The following VAV3 variants were observed in gnomAD, a reference collection of about 807,000 sequenced individuals.
VAV3 encodes the protein vav guanine nucleotide exchange factor 3.
Under a neutral mutation model 131.2 loss-of-function variants are expected in VAV3, and 94 were observed. The observed-to-expected ratio is 0.72, with a 90% CI of 0.61 to 0.85. The LOEUF (loss-of-function observed/expected upper bound fraction) is 0.85, where lower values mean the gene tolerates loss of function less well. Among genes scored for constraint, VAV3 ranks in the 40% least tolerant of loss-of-function variants. The probability of loss-of-function intolerance (pLI) is 0.00; values close to 1 mark genes in which losing one functional copy is unlikely to be tolerated. For missense variants in VAV3, 939 were observed against 1,002.7 expected, an observed-to-expected ratio of 0.94 and a Z score of 0.86; for synonymous variants, 349 against 342.0, an observed-to-expected ratio of 1.02 and a Z score of -0.22.
chr1:107,719,652 A>G (rs11800053), intron 15 of VAV3, among the ~76,000 whole-genome samples: 33,573 of 152,090 alleles, frequency 0.22, 4,154 homozygotes, highest in East Asian at 0.45. Flanking sequence ...ACAGTGTGGC[A>G]ATTCCTCAAG....
intron 15 of VAV3, among the ~76,000 whole-genome samples, chr1:107,709,104 CT>C (rs543663856): frequency 1.0e-3 from 157 of 152,240 alleles, no homozygotes; most frequent in African/African-American, 3.7e-3. Context: ...CTCCATAACA[CT>C]TTATGTAACA....
chr1:107,820,490 G>C (rs1239624015), intron 2 of VAV3, among the ~76,000 whole-genome samples: 1 of 151,718 alleles, frequency 6.6e-6, no homozygotes, highest in Non-Finnish European at 1.5e-5. Context: ...TAGGGTGTAG[G>C]GATGGATAAT....
chr1:107,849,242 CAAA>C (rs201705921), intron 2 of VAV3, among the ~76,000 whole-genome samples: 1 of 134,364 alleles, frequency 7.4e-6, no homozygotes, highest in Non-Finnish European at 1.6e-5. Flanking sequence ...CATATGCAAC[CAAA>C]AAAAAAAAAA....
In VAV3 at chr1:107,704,685, G is replaced by A. The variant is rs200765188; in HGVS notation, c.1605-35C>T. 407 of 1,543,502 alleles carry A rather than the reference G, an allele frequency of 2.6e-4. 1 individual carries two copies. Among genetic ancestry groups the A allele is most frequent in the African/African-American group, 2.0e-3 (145 of 73,338 alleles). ...GAAATAAGAAAGTGGTATATTAAAC[G>A]GTGCAAAATTCTGCCCATATGAAAT... is the stretch of plus-strand genomic sequence containing the variant. On this transcript the variant is annotated intron_variant, in intron 16 of 26. Coordinates refer to ENST00000370056, the MANE Select transcript of VAV3 (RefSeq NM_006113.5).
At position 107,780,047 on chromosome 1, in the gene VAV3, G is replaced by T. The variant is rs143618003; in HGVS notation, c.322-555C>A. On this transcript the variant is annotated intron_variant, in intron 2 of 26. Coordinates refer to ENST00000370056, the MANE Select transcript of VAV3 (RefSeq NM_006113.5). ...ACAGTCCTGCTATATAGCAAAGCAG[G>T]TGAGACTGTGGGCGGGCTCTTGGGC... 7.9e-5 allele frequency among the ~76,000 whole-genome samples: 12 copies of T among 152,274 alleles called. No individual in the cohort carries two copies. The East Asian group carries it at 2.3e-3, about 29-fold the overall frequency.
intron 19 of VAV3, among the ~76,000 whole-genome samples, chr1:107,683,094 G>A (rs186698175): frequency 1.3e-3 from 193 of 152,278 alleles, no homozygotes; most frequent in African/African-American, 3.5e-3. Context: ...GATGGAGGGT[G>A]GGTACCAGTT....
Position 107,683,530 on chromosome 1 carries a change from G to A in VAV3, c.1735C>T (p.Arg579Trp), listed in dbSNP as rs375932837. ...EQGTLKLPEK[R>W]TNGLRRTPKQ... ...GGAGTTCTTCGCAGTCCATTGGTCC[G>A]TTTCTGTGCAGTAAAGTAAAACAAA... Residue 579 changes from arginine (R) to tryptophan (W), a missense_variant, in exon 19 of 27, where the codon CGG becomes TGG. Physicochemically the swap from Arg to Trp is moderately radical, Grantham distance 101 (BLOSUM62 -3). Transcript: ENST00000370056. 6.8e-6 allele frequency: 11 copies of A among 1,613,706 alleles called. No individual in the cohort carries two copies. The highest frequency in any genetic ancestry group is 4.5e-5 in the East Asian group (2 of 44,880).
intron 17 of VAV3, chr1:107,688,658 G>A: frequency 1.1e-6 from 1 of 920,414 alleles, no homozygotes; most frequent in Non-Finnish European, 1.5e-6. Context: ...TTTTTCCATT[G>A]TTTATTAAGC....
intron 1 of VAV3, chr1:107,964,457 G>C (rs1571203038): frequency 3.8e-6 from 2 of 520,168 alleles, no homozygotes; most frequent in Non-Finnish European, 6.8e-6. Flanking sequence ...ATCTCCGGAC[G>C]CAAAGCTTTC....
intron 15 of VAV3, among the ~76,000 whole-genome samples, chr1:107,735,213 T>C (rs542814489): frequency 6.6e-6 from 1 of 152,174 alleles, no homozygotes; most frequent in African/African-American, 2.4e-5. Flanking sequence ...AAGCAGTGTG[T>C]AGAGGGAAAT....
chr1:107,915,638 A>C (rs1672578631), intron 1 of VAV3, among the ~76,000 whole-genome samples: 1 of 152,246 alleles, frequency 6.6e-6, no homozygotes, highest in African/African-American at 2.4e-5. Flanking sequence ...TAAATAAGGC[A>C]AATTTAGCAC....
At chr1:107,717,310 GTTCTT>G (rs999280847) in intron 15 of VAV3, among the ~76,000 whole-genome samples, 12 of 152,108 alleles carry the variant, frequency 7.9e-5, no homozygotes, top group African/African-American at 2.7e-4. Flanking sequence ...TGCTTCTCTA[GTTCTT>G]TTAACTGTGA....
chr1:107,934,816 G>A (rs1673628571), intron 1 of VAV3, among the ~76,000 whole-genome samples: 1 of 152,220 alleles, frequency 6.6e-6, no homozygotes, highest in South Asian at 2.1e-4. Flanking sequence ...GTGAATCACT[G>A]TGTTGTTATT....
intron 2 of VAV3, among the ~76,000 whole-genome samples, chr1:107,860,155 C>G (rs1037138923): frequency 1.3e-5 from 2 of 152,124 alleles, no homozygotes; most frequent in Non-Finnish European, 2.9e-5. Flanking sequence ...GAGTCTCACT[C>G]TATCACCCAG....
At position 107,654,569 on chromosome 1, in the gene VAV3, C is replaced by T. The variant is rs1321734387; in HGVS notation, c.1778-11814G>A. ...GATACTTCAATATTTTTCCCCCAAC[C>T]ATCAATCTGAAAACTACTAACTCTC... On this transcript the variant is annotated intron_variant, in intron 19 of 26. Coordinates refer to ENST00000370056, the MANE Select transcript of VAV3 (RefSeq NM_006113.5). Among the ~76,000 whole-genome samples the T allele has an allele frequency of 2.0e-5, 3 of 151,958 alleles. No individual in the cohort carries two copies. In the East Asian group the frequency reaches 5.8e-4, roughly 29 times the overall value.
intron 19 of VAV3, among the ~76,000 whole-genome samples, chr1:107,669,634 T>C (rs189787912): frequency 6.6e-6 from 1 of 152,358 alleles, no homozygotes; most frequent in East Asian, 1.9e-4. Flanking sequence ...TTCCTATTTA[T>C]GATTGTTTAA....
intron 22 of VAV3, among the ~76,000 whole-genome samples, chr1:107,607,945 T>C (rs1351601692): frequency 6.6e-6 from 1 of 152,212 alleles, no homozygotes; most frequent in Non-Finnish European, 1.5e-5. Context: ...ATTTCTAAAA[T>C]TGAAGGTTCT....
chr1:107,768,345 T>C (rs993490130), intron 7 of VAV3, 96 bp downstream of exon 7: 10 of 897,556 alleles, frequency 1.1e-5, no homozygotes, highest in Middle Eastern at 2.3e-4. Context: ...TCTTAAATAA[T>C]ACAAAAGAGT....
intron 2 of VAV3, among the ~76,000 whole-genome samples, chr1:107,856,934 C>G (rs574168322): frequency 6.6e-6 from 1 of 152,148 alleles, no homozygotes; most frequent in South Asian, 2.1e-4. Flanking sequence ...AGTTACTTGG[C>G]AGGCTGAGGC....
Sources: gnomAD v4.1 joint callset for allele counts (sites outside exome capture counted in the v4.1 genomes callset) on GRCh38, gnomAD v4.1.1 for gene constraint, MANE v1.5 for transcripts, NCBI Gene and HGNC (gene_info 2026-07-23, HGNC 2026-07-21) for gene names.